The following RNF185 variants were observed in gnomAD, a reference collection of about 807,000 sequenced individuals.
The protein encoded by RNF185 is E3 ubiquitin-protein ligase RNF185.
In RNF185, 13 loss-of-function variants were observed where a neutral mutation model predicts 24.9. The observed-to-expected ratio is 0.52, with a 90% CI of 0.34 to 0.83. The LOEUF is 0.83. RNF185 is among the 40% of genes least tolerant of loss of function. The pLI, the probability that RNF185 is intolerant of heterozygous loss-of-function variation, is 0.01. For missense variants in RNF185, 184 were observed against 244.7 expected (o/e 0.75, Z 1.65); for synonymous variants, 79 against 90.3 (o/e 0.88, Z 0.71).
chr22:31,177,683 TA>T (rs1184270900), intron 1 of RNF185, among the ~76,000 whole-genome samples: 1 of 152,208 alleles, frequency 6.6e-6, no homozygotes, highest in Non-Finnish European at 1.5e-5. Context: ...TCTGTGTGAA[TA>T]AGCATGTGCT....
chr22:31,197,144 A>T, intron 5 of RNF185, 154 bp downstream of exon 5: 1 of 1,096,498 alleles, frequency 9.1e-7, no homozygotes, highest in East Asian at 2.8e-5. Context: ...ACTTATAACC[A>T]CACCAATCCA....
At position 31,204,609 on chromosome 22, in the gene RNF185, G is replaced by A. The variant is rs1480208708; in HGVS notation, c.*23G>A. 2.2e-5 allele frequency: 32 copies of A among 1,463,858 alleles called. No homozygotes were observed. The highest frequency in any genetic ancestry group is 3.3e-5 in the Admixed American group (2 of 59,796). 90.7% of individuals were successfully genotyped at this position (1,463,858 alleles called of 1,614,324 possible). On this transcript the variant is annotated 3_prime_UTR_variant, in exon 7 of 7. Coordinates refer to ENST00000326132, the MANE Select transcript of RNF185 (RefSeq NM_152267.4). The stretch of plus-strand genomic sequence containing the variant: ...TAATGCTGGGCTCCTGCCTACATCC[G>A]TGGCAGGGCTCTGGACTGGTGACGT...
chr22:31,185,248 GGCC>G (rs1229949981), intron 1 of RNF185, among the ~76,000 whole-genome samples: 2 of 152,098 alleles, frequency 1.3e-5, no homozygotes, highest in Non-Finnish European at 2.9e-5. Context: ...GTGGTGAGCT[GGCC>G]TCCTCTCTCT....
At chr22:31,202,398 G>A (rs2048271469) in intron 6 of RNF185, among the ~76,000 whole-genome samples, 1 of 152,100 alleles carries the variant, frequency 6.6e-6, no homozygotes. Context: ...TGGTACAGAA[G>A]TGACCATTGT....
intron 1 of RNF185, among the ~76,000 whole-genome samples, chr22:31,171,758 C>G (rs2047932385): frequency 6.6e-6 from 1 of 152,010 alleles, no homozygotes; most frequent in Non-Finnish European, 1.5e-5. Context: ...CACCTGAGGT[C>G]GGGAGTTTGA....
chr22:31,168,914 A>C (rs1289406979), intron 1 of RNF185, among the ~76,000 whole-genome samples: 1 of 151,794 alleles, frequency 6.6e-6, no homozygotes, highest in African/African-American at 2.4e-5. Flanking sequence ...CCACCCTTTA[A>C]AAATTTTTTT....
chr22:31,163,294 T>C (rs1923694082), intron 1 of RNF185, among the ~76,000 whole-genome samples: 1 of 152,120 alleles, frequency 6.6e-6, no homozygotes, highest in South Asian at 2.1e-4. Flanking sequence ...TGGCCCTTTA[T>C]GGAAAAAAAA....
intron 1 of RNF185, among the ~76,000 whole-genome samples, chr22:31,174,832 G>A (rs2047965135): frequency 6.6e-6 from 1 of 152,060 alleles, no homozygotes; most frequent in Non-Finnish European, 1.5e-5. Flanking sequence ...CACTTTGGGA[G>A]GCCGAGGTGG....
intron 5 of RNF185, among the ~76,000 whole-genome samples, chr22:31,200,519 A>G (rs1985789239): frequency 6.6e-6 from 1 of 152,262 alleles, no homozygotes; most frequent in Non-Finnish European, 1.5e-5. Flanking sequence ...AACATGATTT[A>G]TATGTCCTAG....
chr22:31,161,801 A>G (rs1248578937), intron 1 of RNF185, among the ~76,000 whole-genome samples: 1 of 151,794 alleles, frequency 6.6e-6, no homozygotes, highest in Non-Finnish European at 1.5e-5. Context: ...TCTGTTGGCT[A>G]GCTTTCCATG....
intron 1 of RNF185, among the ~76,000 whole-genome samples, chr22:31,167,748 G>A (rs1207505915): frequency 6.6e-6 from 1 of 151,456 alleles, no homozygotes; most frequent in Non-Finnish European, 1.5e-5. Context: ...CAAATAGCTG[G>A]AATTACAGGC....
At chr22:31,171,688 G>C (rs2047931778) in intron 1 of RNF185, among the ~76,000 whole-genome samples, 1 of 152,160 alleles carries the variant, frequency 6.6e-6, no homozygotes, top group Non-Finnish European at 1.5e-5. Flanking sequence ...GAAGTGAGAG[G>C]CTGGGCATGG....
chr22:31,202,607 CTTTTTTTTTTT>C (rs71202049), intron 6 of RNF185, among the ~76,000 whole-genome samples: 3 of 83,760 alleles, frequency 3.6e-5, no homozygotes, highest in African/African-American at 5.6e-5. Flanking sequence ...TTGGGAATGC[CTTTTTTTTTTT>C]TTTTTTTTTT....
chr22:31,195,695 G>A (rs1258643915), intron 4 of RNF185, 114 bp downstream of exon 4: 14 of 699,228 alleles, frequency 2.0e-5, no homozygotes, highest in South Asian at 5.5e-5. Flanking sequence ...TCTTGGTTTC[G>A]AAGCAGTCTC....
intron 1 of RNF185, among the ~76,000 whole-genome samples, chr22:31,162,758 TTTTC>T (rs1264294637): frequency 7.2e-6 from 1 of 138,076 alleles, no homozygotes; most frequent in Non-Finnish European, 1.5e-5. Context: ...CTTTTTACAT[TTTTC>T]TTTCTTTTTT....
At chr22:31,185,308 C>G (rs575024449) in intron 1 of RNF185, among the ~76,000 whole-genome samples, 6 of 152,234 alleles carry the variant, frequency 3.9e-5, no homozygotes, top group Admixed American at 3.9e-4. Flanking sequence ...CTCATGAGGC[C>G]AGAGCTCTGA....
chr22:31,184,392 C>T (rs1041433393), intron 1 of RNF185, among the ~76,000 whole-genome samples: 8 of 151,652 alleles, frequency 5.3e-5, no homozygotes, highest in South Asian at 2.1e-4. Flanking sequence ...ACTTCCTAGA[C>T]GGGATGACCG....
At chr22:31,171,734 C>T (rs1204367881) in intron 1 of RNF185, among the ~76,000 whole-genome samples, 6 of 151,834 alleles carry the variant, frequency 4.0e-5, no homozygotes, top group Admixed American at 1.3e-4. Context: ...TTTGGGAGGC[C>T]GAGGCAAGCG....
intron 1 of RNF185, among the ~76,000 whole-genome samples, chr22:31,181,748 G>C (rs926330240): frequency 1.3e-5 from 2 of 151,652 alleles, no homozygotes; most frequent in South Asian, 2.1e-4. Context: ...GCAAACTATC[G>C]CAAGGACAAA....
Sources: allele counts gnomAD v4.1 joint callset (sites outside exome capture counted in the v4.1 genomes callset), GRCh38; gene constraint gnomAD v4.1.1; transcripts MANE v1.5; gene names NCBI Gene and HGNC (gene_info 2026-07-23, HGNC 2026-07-21).